The following ADAM12 variants were observed in gnomAD, a reference collection of about 807,000 sequenced individuals.
The protein encoded by ADAM12 is ADAM metallopeptidase domain 12.
ADAM12 carries 70 observed loss-of-function variants against 106.4 expected under a neutral mutation model. That is an observed-to-expected ratio of 0.66 (90% CI 0.54 to 0.80). ADAM12 has a LOEUF of 0.80. ADAM12 is among the 30% of genes least tolerant of loss of function. The pLI is 0.00. For synonymous variants in ADAM12, 420 were observed against 433.5 expected (o/e 0.97, Z 0.39); for missense variants, 1,010 against 1,171.9 (o/e 0.86, Z 2.02).
At chr10:126,338,738 T>C (rs1854808967) in intron 1 of ADAM12, among the ~76,000 whole-genome samples, 1 of 152,218 alleles carries the variant, frequency 6.6e-6, no homozygotes, top group Admixed American at 6.5e-5. Flanking sequence ...GTAATGCTTT[T>C]GCAGAGGGTC....
At chr10:126,306,828 G>A (rs566501410) in intron 2 of ADAM12, among the ~76,000 whole-genome samples, 19 of 152,146 alleles carry the variant, frequency 1.2e-4, no homozygotes, top group South Asian at 8.3e-4. Context: ...TGATTATCAC[G>A]GGCTCAGATG....
intron 12 of ADAM12, among the ~76,000 whole-genome samples, chr10:126,069,347 A>G (rs113860095): frequency 1.2e-4 from 19 of 152,366 alleles, no homozygotes; most frequent in African/African-American, 4.1e-4. Flanking sequence ...TCAAAGAAAG[A>G]ACTTTGGATG....
chr10:126,217,477 C>T (rs1468477102), intron 3 of ADAM12, among the ~76,000 whole-genome samples: 2 of 151,464 alleles, frequency 1.3e-5, no homozygotes. Flanking sequence ...AAGTGATCCT[C>T]CTGCCTCAGC....
chr10:126,302,176 C>T (rs1183152873), intron 2 of ADAM12, among the ~76,000 whole-genome samples: 1 of 152,188 alleles, frequency 6.6e-6, no homozygotes, highest in Non-Finnish European at 1.5e-5. Flanking sequence ...CAACCCCACC[C>T]CCAGGGTTTT....
At chr10:126,345,337 C>A (rs557852564) in intron 1 of ADAM12, among the ~76,000 whole-genome samples, 27 of 152,144 alleles carry the variant, frequency 1.8e-4, no homozygotes, top group Admixed American at 5.2e-4. Flanking sequence ...TATTGATTTG[C>A]GTATGTTGAA....
chr10:126,155,135 G>A, intron 4 of ADAM12, 92 bp downstream of exon 4: 1 of 1,374,222 alleles, frequency 7.3e-7, no homozygotes, highest in Non-Finnish European at 1.0e-6. Flanking sequence ...AAGAATCTGG[G>A]CATGTGATTT....
chr10:126,037,121 T>C (rs1954074392), intron 20 of ADAM12, among the ~76,000 whole-genome samples: 1 of 152,206 alleles, frequency 6.6e-6, no homozygotes, highest in Admixed American at 6.5e-5. Flanking sequence ...GTATATACTC[T>C]GGCTTTTCTT....
rs146002796 is a variant in ADAM12, at chr10:126,053,345, T to C, written c.1610-3676A>G. On this transcript the variant is annotated intron_variant, in intron 14 of 22. Transcript: ENST00000448723. This position sits in a 1 kb window ranked among gnomAD's most constrained non-coding sequence, Gnocchi z 4.6. ...GACTAATACAGGGTGTGCTTATGAT[T>C]GTAATGCCCCAAATGCTGGTGGAGC... Among the ~76,000 whole-genome samples, 32 of 152,314 alleles carry C rather than the reference T, an allele frequency of 2.1e-4. 1 individual carries two copies. The East Asian group carries it at 5.6e-3, about 27-fold the overall frequency.
chr10:126,211,864 C>T (rs953291613), intron 3 of ADAM12, among the ~76,000 whole-genome samples: 4 of 152,268 alleles, frequency 2.6e-5, no homozygotes, highest in African/African-American at 7.2e-5. Flanking sequence ...TGAGGGAGAC[C>T]GCGTGAGTCG....
chr10:126,175,853 C>T (rs896672258), intron 3 of ADAM12, among the ~76,000 whole-genome samples: 2 of 152,198 alleles, frequency 1.3e-5, no homozygotes, highest in Admixed American at 6.5e-5. Flanking sequence ...TCTGGACTTC[C>T]CTGGGGGTTC....
intron 3 of ADAM12, among the ~76,000 whole-genome samples, chr10:126,227,559 C>T (rs1565151865): frequency 6.6e-6 from 1 of 152,064 alleles, no homozygotes; most frequent in Non-Finnish European, 1.5e-5. Flanking sequence ...AACATAAATT[C>T]TCAGTCCGCA....
intron 3 of ADAM12, among the ~76,000 whole-genome samples, chr10:126,268,796 G>C (rs1959151157): frequency 6.6e-6 from 1 of 152,134 alleles, no homozygotes; most frequent in African/African-American, 2.4e-5. Context: ...GCATGATACT[G>C]TAAGAATGTA....
In ADAM12 at chr10:126,172,808, G is replaced by A. The variant is rs1288092759; in HGVS notation, c.261-17503C>T. Among the ~76,000 whole-genome samples, 6 of 152,112 alleles carry A rather than the reference G, an allele frequency of 3.9e-5. No homozygotes were observed. In the South Asian group the frequency reaches 8.3e-4, roughly 21 times the overall value. ...TTCTACTATAAAGACACATGCACAC[G>A]TATGTTTACTGCAGCATTGTTCACA... On this transcript the variant is annotated intron_variant, in intron 3 of 22. Transcript: ENST00000448723.
chr10:126,368,843 G>A (rs1268598077), intron 1 of ADAM12, among the ~76,000 whole-genome samples: 1 of 152,048 alleles, frequency 6.6e-6, no homozygotes, highest in Non-Finnish European at 1.5e-5. Context: ...ATCACTAAAT[G>A]CTAGCTATAG....
At chr10:126,241,702 C>T (rs1227810812) in intron 3 of ADAM12, among the ~76,000 whole-genome samples, 1 of 152,202 alleles carries the variant, frequency 6.6e-6, no homozygotes, top group East Asian at 1.9e-4. Context: ...ATGCTCTGCA[C>T]AGTGTCCTCA....
chr10:126,065,195 CTAAAG>C (rs1382337944), intron 13 of ADAM12, among the ~76,000 whole-genome samples, 194 bp from the exon 14 acceptor site: 1 of 152,210 alleles, frequency 6.6e-6, no homozygotes, highest in Non-Finnish European at 1.5e-5. Flanking sequence ...CTGTTCCACT[CTAAAG>C]TGGGTGGGAC....
Position 126,013,366 on chromosome 10 carries a change from A to G in ADAM12, c.*3913T>C, listed in dbSNP as rs944679938. ...GTTTTCAAATAGGTTTAAAAGCAGT[A>G]GATGTCAATAGGAACTTTAAGGTGA... On this transcript the variant is annotated 3_prime_UTR_variant, in exon 23 of 23. Coordinates refer to ENST00000448723, the MANE Select transcript of ADAM12 (RefSeq NM_001288973.2). This position sits in a 1 kb window ranked among gnomAD's most constrained non-coding sequence, Gnocchi z 4.3. The G allele has an allele frequency of 2.0e-5, 3 of 152,272 alleles. No individual in the cohort carries two copies. Among genetic ancestry groups the G allele is most frequent in the Admixed American group, 2.0e-4 (3 of 15,290 alleles). 9.4% of individuals were successfully genotyped at this position (152,272 alleles called of 1,614,324 possible).
At chr10:126,077,746 C>A (rs541786566) in intron 11 of ADAM12, among the ~76,000 whole-genome samples, 3 of 152,254 alleles carry the variant, frequency 2.0e-5, no homozygotes, top group Non-Finnish European at 4.4e-5. Flanking sequence ...CAAAAATTAA[C>A]TCAAGATGGA....
chr10:126,046,991 C>T (rs939179832), intron 16 of ADAM12, among the ~76,000 whole-genome samples: 1 of 151,924 alleles, frequency 6.6e-6, no homozygotes, highest in African/African-American at 2.4e-5. Flanking sequence ...ATGACATAAA[C>T]CATCAGCAAC....
Sources: allele counts gnomAD v4.1 joint callset (sites outside exome capture counted in the v4.1 genomes callset), GRCh38; gene constraint gnomAD v4.1.1; non-coding constraint Gnocchi (gnomAD v3.1); transcripts MANE v1.5; gene names NCBI Gene and HGNC (gene_info 2026-07-23, HGNC 2026-07-21).